The following GSE1 variants were observed in gnomAD, a reference collection of about 807,000 sequenced individuals.
GSE1 encodes Gse1 coiled-coil protein, also known as genetic suppressor element 1.
Under a neutral mutation model 112.6 loss-of-function variants are expected in GSE1, and 32 were observed. The observed-to-expected ratio is 0.28, with a 90% CI of 0.21 to 0.38. GSE1 has a LOEUF of 0.38. GSE1 is among the 10% of genes least tolerant of loss of function. The probability of loss-of-function intolerance (pLI) is 1.00; values close to 1 mark genes in which losing one functional copy is unlikely to be tolerated. For missense variants in GSE1, 2,348 were observed against 1,699.2 expected (o/e 1.38, Z -6.71); for synonymous variants, 1,115 against 735.6 (o/e 1.52, Z -8.35).
intron 1 of GSE1, among the ~76,000 whole-genome samples, chr16:85,183,628 C>G (rs538841208): frequency 1.2e-4 from 18 of 152,344 alleles, no homozygotes; most frequent in African/African-American, 4.3e-4. Context: ...ACTTGTCCTT[C>G]TCTGTTGTGT....
chr16:85,215,748 A>G (rs920619217), intron 1 of GSE1, among the ~76,000 whole-genome samples: 1 of 152,070 alleles, frequency 6.6e-6, no homozygotes, highest in Admixed American at 6.5e-5. Context: ...TTCAGAGCAC[A>G]CATTCTGGGG....
At chr16:85,555,028 A>C, upstream of GSE1, 2 of 984,878 alleles carry the variant, frequency 2.0e-6, no homozygotes, top group African/African-American at 1.7e-5. Context: ...GCGCGGGGGG[A>C]AGCTCGCAAG....
chr16:85,294,651 CTCTCTCTGTCTCTCTCTCT>C (rs1567669600), intron 1 of GSE1, among the ~76,000 whole-genome samples: 9 of 102,086 alleles, frequency 8.8e-5, no homozygotes, highest in African/African-American at 2.7e-4. Flanking sequence ...CTCTCTCTCT[CTCTCTCTGTCTCTCTCTCT>C]CCCCCCCCTT....
chr16:85,601,164 A>G (rs1283095215), intron 1 of GSE1, among the ~76,000 whole-genome samples: 1 of 151,984 alleles, frequency 6.6e-6, no homozygotes, highest in Middle Eastern at 3.2e-3. Flanking sequence ...GGGCGAGTCT[A>G]GAGAGACTGT....
chr16:85,323,774 A>G (rs542459575), intron 1 of GSE1, among the ~76,000 whole-genome samples: 43 of 152,256 alleles, frequency 2.8e-4, no homozygotes, highest in African/African-American at 9.6e-4. Context: ...ACGCTCCCCC[A>G]TTGCCACCCT....
At chr16:85,368,879 G>A (rs1339785228) in intron 2 of GSE1, among the ~76,000 whole-genome samples, 2 of 152,142 alleles carry the variant, frequency 1.3e-5, no homozygotes, top group African/African-American at 4.8e-5. Flanking sequence ...CTAGGGCATG[G>A]ACGGCTCTGG....
In GSE1 at chr16:85,373,567, G is replaced by T. The variant is rs1567718882; in HGVS notation, c.2464+15924G>T. Among the ~76,000 whole-genome samples, 1 of 152,090 alleles carries T rather than the reference G, an allele frequency of 6.6e-6. No individual in the cohort carries two copies. Among genetic ancestry groups the T allele is most frequent in the Admixed American group, 6.5e-5 (1 of 15,284 alleles). On this transcript the variant is annotated intron_variant, in intron 2 of 2. Transcript: ENST00000637419. The surrounding 1 kb of genome is among the most constrained non-coding windows in gnomAD (Gnocchi z 5.1). ...GGGCTGGGGCACTGTGTATAGCAGGGATTCAGTGACCGCATCGCTACTATG... is the reference window on the plus strand; with the variant it reads ...GGGCTGGGGCACTGTGTATAGCAGGTATTCAGTGACCGCATCGCTACTATG...
In GSE1 at chr16:85,325,415, G is replaced by A. The variant is rs185744862; in HGVS notation, c.2284-32048G>A. 7.6e-4 allele frequency among the ~76,000 whole-genome samples: 115 copies of A among 151,772 alleles called. 1 individual carries two copies. In the East Asian group the frequency reaches 0.014, roughly 19 times the overall value. On this transcript the variant is annotated intron_variant, in intron 1 of 2. Transcript: ENST00000637419. ...TCATGGTTTTCAAACCAAAAATTGA[G>A]TCCTGTGATCTGATAAAGGGTATTT...
At chr16:85,636,337 G>A (rs781282666) in intron 2 of GSE1, among the ~76,000 whole-genome samples, 4 of 152,208 alleles carry the variant, frequency 2.6e-5, no homozygotes, top group East Asian at 1.9e-4. Context: ...CGGAGTCTGC[G>A]GATGTGGAGC....
At chr16:85,320,531 G>A (rs1025947226) in intron 1 of GSE1, among the ~76,000 whole-genome samples, 2 of 152,144 alleles carry the variant, frequency 1.3e-5, no homozygotes, top group African/African-American at 4.8e-5. Context: ...CTGGGCTCAA[G>A]TGATCCTTCC....
intron 2 of GSE1, among the ~76,000 whole-genome samples, chr16:85,361,871 C>G (rs2047089302): frequency 6.6e-6 from 1 of 152,242 alleles, no homozygotes; most frequent in South Asian, 2.1e-4. Flanking sequence ...ACTCCCGGGG[C>G]AGCCCACAGA....
At chr16:85,484,556 G>A (rs2050775564) in intron 2 of GSE1, among the ~76,000 whole-genome samples, 1 of 152,250 alleles carries the variant, frequency 6.6e-6, no homozygotes, top group Admixed American at 6.5e-5. Flanking sequence ...CACAGCAGGG[G>A]CCACCATTGG....
intron 2 of GSE1, among the ~76,000 whole-genome samples, chr16:85,466,982 C>A (rs576037519): frequency 6.6e-6 from 1 of 152,250 alleles, no homozygotes; most frequent in Non-Finnish European, 1.5e-5. Flanking sequence ...ATCATCTGAA[C>A]CCCAGAGGCT....
At chr16:85,219,548 T>G (rs1184550798) in intron 1 of GSE1, among the ~76,000 whole-genome samples, 1 of 152,166 alleles carries the variant, frequency 6.6e-6, no homozygotes. Context: ...AGCCCCCTCT[T>G]GACAGCATGA....
At chr16:85,324,067 G>T (rs1353237657) in intron 1 of GSE1, among the ~76,000 whole-genome samples, 2 of 152,238 alleles carry the variant, frequency 1.3e-5, no homozygotes, top group Admixed American at 1.3e-4. Flanking sequence ...AAGTGTTGGC[G>T]AGGACGTGGA....
chr16:85,636,109 G>C (rs533143248), intron 2 of GSE1, among the ~76,000 whole-genome samples: 4 of 152,230 alleles, frequency 2.6e-5, no homozygotes, highest in Non-Finnish European at 5.9e-5. Context: ...CCATGGCCTC[G>C]TGGCCCTGCT....
intron 2 of GSE1, among the ~76,000 whole-genome samples, chr16:85,500,720 A>G (rs8064093): frequency 0.093 from 14,136 of 152,180 alleles, 1,244 homozygotes; most frequent in East Asian, 0.38. Context: ...GACACAAAGT[A>G]CCAAAACCGG....
Position 85,622,329 on chromosome 16 carries a change from C to T in GSE1, c.7+8931C>T, listed in dbSNP as rs534441986. On this transcript the variant is annotated intron_variant, in intron 1 of 15. Transcript: ENST00000253458. Reference sequence around the variant, plus strand: ...CACTTGGGGCTTTGAAGATGGGAGACGAGTCTGGACGAGGAAACGCCATTA... The same window carrying T: ...CACTTGGGGCTTTGAAGATGGGAGATGAGTCTGGACGAGGAAACGCCATTA... 3.5e-4 allele frequency among the ~76,000 whole-genome samples: 54 copies of T among 152,222 alleles called. 1 individual carries two copies. In the Middle Eastern group the frequency reaches 0.01, roughly 29 times the overall value.
intron 1 of GSE1, among the ~76,000 whole-genome samples, chr16:85,331,349 G>GTATATATA (rs1424445543): frequency 3.0e-5 from 2 of 67,346 alleles, no homozygotes; most frequent in African/African-American, 5.0e-5. Context: ...GTGTGTGTGT[G>GTATATATA]TGTGTGTGTG....
Sources: gnomAD v4.1 joint callset for allele counts (sites outside exome capture counted in the v4.1 genomes callset) on GRCh38, gnomAD v4.1.1 for gene constraint, Gnocchi (gnomAD v3.1) non-coding constraint, MANE v1.5 for transcripts, NCBI Gene and HGNC (gene_info 2026-07-23, HGNC 2026-07-21) for gene names.